Variants in RALYL observed in about 807,000 individuals in gnomAD.
The protein encoded by RALYL is RNA-binding Raly-like protein.
Under a neutral mutation model 35.1 loss-of-function variants are expected in RALYL, and 29 were observed. The ratio of observed to expected loss-of-function variants is 0.83; its 90% CI spans 0.61 to 1.13. The LOEUF is 1.13. Among genes scored for constraint, RALYL ranks in the 50% most tolerant of loss-of-function variants. The pLI is 0.00. For synonymous variants in RALYL, 120 were observed against 127.6 expected (o/e 0.94, Z 0.40); for missense variants, 359 against 360.4 (o/e 1.00, Z 0.03).
At chr8:84,362,172 A>G (rs188524253) in intron 1 of RALYL, among the ~76,000 whole-genome samples, 104 of 152,196 alleles carry the variant, frequency 6.8e-4, no homozygotes, top group African/African-American at 2.5e-3. Flanking sequence ...ACAGAATACC[A>G]GAGAGTACTA....
At chr8:84,636,774 A>G (rs1229691218) in intron 2 of RALYL, among the ~76,000 whole-genome samples, 1 of 151,872 alleles carries the variant, frequency 6.6e-6, no homozygotes, top group African/African-American at 2.4e-5. Flanking sequence ...AAAATTTATT[A>G]CTGGGACTGA....
chr8:84,612,550 C>CAAGCATTTGCTTG, intron 2 of RALYL, among the ~76,000 whole-genome samples: 22 of 151,928 alleles, frequency 1.4e-4, no homozygotes, highest in African/African-American at 4.8e-4. Context: ...TGTTACTCTA[C>CAAGCATTTGCTTG]TCCAGAAGAG....
intron 1 of RALYL, among the ~76,000 whole-genome samples, chr8:84,489,104 A>C (rs985047903): frequency 3.3e-5 from 5 of 152,044 alleles, no homozygotes; most frequent in African/African-American, 1.2e-4. Flanking sequence ...TCTATCTTCA[A>C]GTGTTATATA....
At chr8:84,582,726 T>C (rs886153900) in intron 2 of RALYL, among the ~76,000 whole-genome samples, 26 of 152,026 alleles carry the variant, frequency 1.7e-4, no homozygotes, top group Admixed American at 1.6e-3. Context: ...TATCTCTCCA[T>C]TGCTAACAAA....
At chr8:84,490,079 ATG>A (rs143193843) in intron 1 of RALYL, among the ~76,000 whole-genome samples, 2,665 of 144,388 alleles carry the variant, frequency 0.018, 44 homozygotes, top group Middle Eastern at 0.057. Context: ...GCTTGCGTGC[ATG>A]TGTGTGTGTG....
chr8:84,325,222 G>T (rs184366091), intron 1 of RALYL, among the ~76,000 whole-genome samples: 3 of 152,006 alleles, frequency 2.0e-5, no homozygotes, highest in Admixed American at 6.6e-5. Flanking sequence ...TTTCATTATC[G>T]TCAGGAAATA....
chr8:84,567,324 T>A (rs1442979038), intron 2 of RALYL, among the ~76,000 whole-genome samples: 1 of 151,736 alleles, frequency 6.6e-6, no homozygotes, highest in Non-Finnish European at 1.5e-5. Flanking sequence ...ACACAAATAG[T>A]GTTGTACCCA....
At chr8:84,919,619 A>G (rs1299431321) in intron 8 of RALYL, among the ~76,000 whole-genome samples, 1 of 152,062 alleles carries the variant, frequency 6.6e-6, no homozygotes, top group Non-Finnish European at 1.5e-5. Context: ...GGTAAGGAGA[A>G]AGAGAGGGAA....
chr8:84,817,351 A>G (rs1373382562), intron 4 of RALYL, among the ~76,000 whole-genome samples: 1 of 152,012 alleles, frequency 6.6e-6, no homozygotes, highest in Non-Finnish European at 1.5e-5. Flanking sequence ...AGGAAACCTC[A>G]TATTTAGTAA....
At chr8:84,200,311 T>C (rs1443447368) in intron 1 of RALYL, among the ~76,000 whole-genome samples, 1 of 152,116 alleles carries the variant, frequency 6.6e-6, no homozygotes, top group Non-Finnish European at 1.5e-5. Flanking sequence ...ATCAGTGGAC[T>C]CCAGATACAA....
At chr8:84,210,707 T>G (rs535534783) in intron 1 of RALYL, among the ~76,000 whole-genome samples, 18 of 152,330 alleles carry the variant, frequency 1.2e-4, no homozygotes, top group Non-Finnish European at 2.2e-4. Context: ...TATAGTTTGC[T>G]GAACATTTTT....
intron 1 of RALYL, among the ~76,000 whole-genome samples, chr8:84,521,211 TTCTC>T (rs1207900074): frequency 6.6e-6 from 1 of 152,182 alleles, no homozygotes; most frequent in African/African-American, 2.4e-5. Flanking sequence ...CCAGAGCTCT[TTCTC>T]TCTTACATGT....
chr8:84,704,848 G>T (rs1840906728), intron 2 of RALYL, among the ~76,000 whole-genome samples: 1 of 152,156 alleles, frequency 6.6e-6, no homozygotes, highest in Non-Finnish European at 1.5e-5. Context: ...ATGCTTCTAT[G>T]AAGAGTTATG....
chr8:84,613,313 C>A (rs774892188), intron 2 of RALYL, among the ~76,000 whole-genome samples: 6 of 151,254 alleles, frequency 4.0e-5, no homozygotes, highest in Non-Finnish European at 7.4e-5. Context: ...AAATAAACAC[C>A]CTTGAACTTT....
intron 2 of RALYL, among the ~76,000 whole-genome samples, chr8:84,626,055 A>T (rs1182764085): frequency 6.6e-6 from 1 of 152,226 alleles, no homozygotes; most frequent in Admixed American, 6.5e-5. Context: ...AAGGCTGAAA[A>T]TGATAAATAT....
chr8:84,906,567 C>T (rs1402630556), intron 8 of RALYL, among the ~76,000 whole-genome samples: 4 of 152,012 alleles, frequency 2.6e-5, no homozygotes, highest in Non-Finnish European at 4.4e-5. Flanking sequence ...GAAAGTGGGG[C>T]ACTTTTCTTC....
At chr8:84,341,544 A>G (rs1212045740) in intron 1 of RALYL, among the ~76,000 whole-genome samples, 3 of 152,056 alleles carry the variant, frequency 2.0e-5, no homozygotes, top group Non-Finnish European at 4.4e-5. Flanking sequence ...GCATTTATAT[A>G]TCTACAATTC....
chr8:84,469,195 T>C (rs1200344241), intron 1 of RALYL, among the ~76,000 whole-genome samples: 1 of 152,240 alleles, frequency 6.6e-6, no homozygotes, highest in Admixed American at 6.5e-5. Flanking sequence ...AGGAACTGTG[T>C]TCCTTTGGAG....
intron 2 of RALYL, among the ~76,000 whole-genome samples, chr8:84,651,267 C>T (rs963734041): frequency 6.6e-6 from 1 of 151,478 alleles, no homozygotes; most frequent in South Asian, 2.1e-4. Flanking sequence ...TTTATTTAGA[C>T]CAATGCCTGG....
Sources: gnomAD v4.1 joint callset for allele counts (sites outside exome capture counted in the v4.1 genomes callset) on GRCh38, gnomAD v4.1.1 for gene constraint, MANE v1.5 for transcripts, NCBI Gene and HGNC (gene_info 2026-07-23, HGNC 2026-07-21) for gene names.